Variants in PPIG observed in about 807,000 individuals in gnomAD.
The protein encoded by PPIG is peptidylprolyl isomerase G.
In PPIG, 26 loss-of-function variants were observed where a neutral mutation model predicts 87.9. The ratio of observed to expected loss-of-function variants is 0.30; its 90% CI spans 0.22 to 0.41. The LOEUF is 0.41. Ranked by LOEUF, PPIG falls within the 10% of genes least tolerant of loss-of-function variation. The pLI is 1.00. For missense variants in PPIG, 722 were observed against 879.4 expected (o/e 0.82, Z 2.26); for synonymous variants, 308 against 276.5 (o/e 1.11, Z -1.13).
chr2:169,624,176 A>G (rs1006699739), intron 9 of PPIG, among the ~76,000 whole-genome samples: 1 of 152,204 alleles, frequency 6.6e-6, no homozygotes, highest in African/African-American at 2.4e-5. Flanking sequence ...TATGTTGCCC[A>G]GGCAGGTCTC....
chr2:169,616,887 A>T (rs1685621567), intron 9 of PPIG, among the ~76,000 whole-genome samples: 1 of 151,998 alleles, frequency 6.6e-6, no homozygotes, highest in African/African-American at 2.4e-5. Context: ...TTTTGTTGCC[A>T]TTGTTTTTGG....
At chr2:169,588,983 A>G (rs1267222246) in intron 1 of PPIG, among the ~76,000 whole-genome samples, 1 of 132,046 alleles carries the variant, frequency 7.6e-6, no homozygotes, top group African/African-American at 2.7e-5. Context: ...AAAAAAAAAA[A>G]CCTTAGATAA....
In PPIG at chr2:169,638,291, T is replaced by G. The variant is rs949454159; in HGVS notation, c.*768T>G. 2.6e-5 allele frequency: 4 copies of G among 151,950 alleles called. No homozygotes were observed. Among genetic ancestry groups the G allele is most frequent in the Admixed American group, 6.6e-5 (1 of 15,250 alleles). The allele number at this position is 151,950 out of a possible 1,614,324, so 9.4% of individuals were successfully genotyped here. A position where few individuals can be genotyped will look rare whatever the true frequency, so the allele number is the denominator to read the frequency against. On this transcript the variant is annotated 3_prime_UTR_variant, in exon 14 of 14. Transcript: ENST00000260970. The stretch of plus-strand genomic sequence containing the variant: ...TTCTCAGTTCTGTGTTGCTTTTGGT[T>G]TGAAGAGTTTTGGGAACGTTTTAAT...
At chr2:169,596,670 G>C (rs1685026105) in intron 1 of PPIG, among the ~76,000 whole-genome samples, 1 of 152,026 alleles carries the variant, frequency 6.6e-6, no homozygotes, top group African/African-American at 2.4e-5. Flanking sequence ...TCTGCCTTTG[G>C]AGCCACGCAA....
chr2:169,613,394 C>T (rs1028993746), intron 7 of PPIG, among the ~76,000 whole-genome samples: 2 of 151,418 alleles, frequency 1.3e-5, no homozygotes, highest in African/African-American at 4.9e-5. Context: ...CTCCTTTTTT[C>T]GAATTTCTAA....
chr2:169,629,177 T>C (rs1330988889), intron 9 of PPIG, among the ~76,000 whole-genome samples: 1 of 152,220 alleles, frequency 6.6e-6, no homozygotes, highest in Admixed American at 6.5e-5. Context: ...AATAAAATAA[T>C]ATAACACTTT....
chr2:169,606,290 A>G, intron 5 of PPIG, 144 bp downstream of exon 5: 1 of 714,586 alleles, frequency 1.4e-6, no homozygotes. Flanking sequence ...TCATAGAAAT[A>G]TGTAAAAGAA....
chr2:169,632,582 A>T (rs1211019338), intron 11 of PPIG, among the ~76,000 whole-genome samples: 1 of 151,794 alleles, frequency 6.6e-6, no homozygotes, highest in Non-Finnish European at 1.5e-5. Context: ...TCTACTAAAA[A>T]TACAAAAAAT....
intron 9 of PPIG, among the ~76,000 whole-genome samples, chr2:169,616,599 T>C (rs998115507): frequency 6.6e-6 from 1 of 152,252 alleles, no homozygotes; most frequent in South Asian, 2.1e-4. Flanking sequence ...TGACCAGTGA[T>C]GATGAGCTTT....
intron 7 of PPIG, 53 bp downstream of exon 7, chr2:169,608,811 G>T (rs1296132412): frequency 7.7e-7 from 1 of 1,291,614 alleles, no homozygotes; most frequent in Non-Finnish European, 1.1e-6. Flanking sequence ...GGCCGGGCAC[G>T]GTGGCTCATG....
At chr2:169,593,101 A>T (rs758190054) in intron 1 of PPIG, among the ~76,000 whole-genome samples, 1 of 151,306 alleles carries the variant, frequency 6.6e-6, no homozygotes, top group South Asian at 2.1e-4. Flanking sequence ...ACACATGTAC[A>T]TTATAATGTT....
At position 169,639,038 on chromosome 2, in the gene PPIG, C is replaced by G. The variant is rs1053601903; in HGVS notation, c.*1515C>G. The G allele has an allele frequency of 2.4e-4, 36 of 152,052 alleles. No individual in the cohort carries two copies. 9.4% of individuals were successfully genotyped at this position (152,052 alleles called of 1,614,324 possible). ...TAAAGCAATTATTAACATGATACTT[C>G]CCACTATTGATTAATGCAATATTGA... On this transcript the variant is annotated 3_prime_UTR_variant, in exon 14 of 14. Coordinates refer to ENST00000260970, the MANE Select transcript of PPIG (RefSeq NM_004792.3).
chr2:169,616,664 C>T (rs1433294352), intron 9 of PPIG, among the ~76,000 whole-genome samples: 5 of 152,176 alleles, frequency 3.3e-5, no homozygotes, highest in East Asian at 1.9e-4. Context: ...AGTGTCTGTT[C>T]GTATCCTTTG....
At chr2:169,614,396 T>G in intron 7 of PPIG, 68 bp from the exon 8 acceptor site, 1 of 1,367,372 alleles carries the variant, frequency 7.3e-7, no homozygotes, top group Non-Finnish European at 1.0e-6. Context: ...TTCTTTTTCT[T>G]TTTAGAGATG....
At position 169,638,244 on chromosome 2, in the gene PPIG, AC is replaced by A; in HGVS notation, c.*723del. On this transcript the variant is annotated 3_prime_UTR_variant, in exon 14 of 14. Transcript: ENST00000260970. ...TTATACAGCATTTGACAGGAACTAT[AC>A]CTTGGAAAATCAGATTGTGATTCTC... 6.6e-6 allele frequency: 1 copy of A among 151,818 alleles called. No individual in the cohort carries two copies. The highest frequency in any genetic ancestry group is 2.1e-4 in the South Asian group (1 of 4,816). The allele number at this position is 151,818 out of a possible 1,614,324, so 9.4% of individuals were successfully genotyped here.
In PPIG at chr2:169,633,337, T is replaced by G. The variant is rs1188621937; in HGVS notation, c.1017+90T>G. ...GTGTTTCTTAAATATTATTTTAATG[T>G]GCAAGTAACTAAAATTTAGGGGAGA... On this transcript the variant is annotated intron_variant, in intron 12 of 13. Coordinates refer to ENST00000260970, the MANE Select transcript of PPIG (RefSeq NM_004792.3). 5.9e-6 allele frequency: 6 copies of G among 1,010,774 alleles called. No homozygotes were observed. The South Asian group carries it at 7.1e-5, about 12-fold the overall frequency. The allele number at this position is 1,010,774 out of a possible 1,614,324, so 62.6% of individuals were successfully genotyped here.
intron 1 of PPIG, among the ~76,000 whole-genome samples, chr2:169,594,813 A>C (rs941249874): frequency 1.3e-5 from 2 of 151,510 alleles, no homozygotes; most frequent in African/African-American, 4.9e-5. Context: ...TTTTTAGTGG[A>C]GACGGAATTT....
chr2:169,609,116 G>T (rs1162869012), intron 7 of PPIG, among the ~76,000 whole-genome samples: 1 of 150,736 alleles, frequency 6.6e-6, no homozygotes, highest in Non-Finnish European at 1.5e-5. Context: ...TTTTTGGTCT[G>T]TCATTTCTCT....
chr2:169,617,248 T>A (rs2105503346), intron 9 of PPIG, among the ~76,000 whole-genome samples: 1 of 152,310 alleles, frequency 6.6e-6, no homozygotes, highest in Non-Finnish European at 1.5e-5. Flanking sequence ...TACCATGCTG[T>A]TTTGGTTACT....
Sources: gnomAD v4.1 joint callset for allele counts (sites outside exome capture counted in the v4.1 genomes callset) on GRCh38, gnomAD v4.1.1 for gene constraint, MANE v1.5 for transcripts, NCBI Gene and HGNC (gene_info 2026-07-23, HGNC 2026-07-21) for gene names.